The following SND1 variants were observed in gnomAD, a reference collection of about 807,000 sequenced individuals.
The protein encoded by SND1 is staphylococcal nuclease and tudor domain containing 1, also known as staphylococcal nuclease domain-containing protein 1.
Under a neutral mutation model 121.7 loss-of-function variants are expected in SND1, and 38 were observed. The ratio of observed to expected loss-of-function variants is 0.31; its 90% CI spans 0.24 to 0.41. The LOEUF (loss-of-function observed/expected upper bound fraction) is 0.41. Among genes scored for constraint, SND1 ranks in the 10% least tolerant of loss-of-function variants. SND1 has a pLI of 1.00. For missense variants in SND1, 868 were observed against 1,184.6 expected, an observed-to-expected ratio of 0.73 and a Z score of 3.92; for synonymous variants, 401 against 447.4, an observed-to-expected ratio of 0.90 and a Z score of 1.31.
intron 10 of SND1, among the ~76,000 whole-genome samples, chr7:127,757,576 C>G (rs973920939): frequency 6.6e-6 from 1 of 152,158 alleles, no homozygotes; most frequent in Non-Finnish European, 1.5e-5. Context: ...TTAGTTTTAG[C>G]TATTCAGATC....
chr7:127,777,231 T>C (rs951694400), intron 10 of SND1, among the ~76,000 whole-genome samples: 11 of 152,196 alleles, frequency 7.2e-5, no homozygotes, highest in Admixed American at 6.5e-5. Context: ...AAGCAATCAC[T>C]GAACAGAGGA....
intron 11 of SND1, among the ~76,000 whole-genome samples, chr7:127,838,022 C>T (rs935478417): frequency 6.6e-6 from 1 of 152,080 alleles, no homozygotes; most frequent in East Asian, 1.9e-4. Context: ...AGGGTTGGAC[C>T]GCACAGTCTA....
intron 16 of SND1, among the ~76,000 whole-genome samples, chr7:128,032,885 A>G (rs1342380969): frequency 3.9e-5 from 6 of 152,232 alleles, no homozygotes; most frequent in Non-Finnish European, 8.8e-5. Flanking sequence ...AAACAGTGGC[A>G]GGAATGACCA....
At chr7:127,840,345 TAAGGGAGCTTC>T (rs1034610259) in intron 11 of SND1, among the ~76,000 whole-genome samples, 1 of 152,210 alleles carries the variant, frequency 6.6e-6, no homozygotes, top group African/African-American at 2.4e-5. Context: ...GCCTCATTTG[TAAGGGAGCTTC>T]AAGTAGCACC....
rs577445174 is a variant in SND1, at chr7:128,015,318, T to G, written c.1779+24262T>G. 6.6e-6 allele frequency among the ~76,000 whole-genome samples: 1 copy of G among 152,354 alleles called. No individual in the cohort carries two copies. Among genetic ancestry groups the G allele is most frequent in the South Asian group, 2.1e-4 (1 of 4,828 alleles). On this transcript the variant is annotated intron_variant, in intron 16 of 23. Coordinates refer to ENST00000354725, the MANE Select transcript of SND1 (RefSeq NM_014390.4). The surrounding 1 kb of genome is among the most constrained non-coding windows in gnomAD (Gnocchi z 4.5). Reference sequence around the variant, plus strand: ...TCAGGGTGACATGATAAAAAGAATTTATCTGAAACTCATAGAACAGGGCAA... The same window carrying G: ...TCAGGGTGACATGATAAAAAGAATTGATCTGAAACTCATAGAACAGGGCAA...
chr7:128,069,759 C>T (rs1202176986), intron 16 of SND1, among the ~76,000 whole-genome samples: 1 of 152,020 alleles, frequency 6.6e-6, no homozygotes, highest in Non-Finnish European at 1.5e-5. Context: ...TGTTGCAATC[C>T]CAGTTTTACA....
At chr7:127,687,851 AATTTTT>A (rs1348116574) in intron 2 of SND1, among the ~76,000 whole-genome samples, 1 of 151,864 alleles carries the variant, frequency 6.6e-6, no homozygotes, top group Non-Finnish European at 1.5e-5. Flanking sequence ...ATACCTGGCT[AATTTTT>A]ATTTTTATTT....
intron 10 of SND1, among the ~76,000 whole-genome samples, chr7:127,777,375 A>G (rs1157941289): frequency 1.3e-5 from 2 of 152,206 alleles, no homozygotes; most frequent in Non-Finnish European, 2.9e-5. Flanking sequence ...GAAAACTCAG[A>G]AAGAGTTGAT....
intron 11 of SND1, among the ~76,000 whole-genome samples, chr7:127,837,493 T>A (rs1798888294): frequency 6.6e-6 from 1 of 152,256 alleles, no homozygotes; most frequent in African/African-American, 2.4e-5. Flanking sequence ...CATTTGTCAC[T>A]TATTATATTT....
intron 10 of SND1, among the ~76,000 whole-genome samples, chr7:127,805,007 C>G (rs542521202): frequency 1.3e-5 from 2 of 152,224 alleles, no homozygotes; most frequent in Non-Finnish European, 2.9e-5. Context: ...TTACCGGCAC[C>G]TGGTATCTTC....
Position 127,930,538 on chromosome 7 carries a change from C to A in SND1, c.1669+1209C>A, listed in dbSNP as rs541350553. 1.2e-3 allele frequency among the ~76,000 whole-genome samples: 179 copies of A among 152,278 alleles called. 1 individual carries two copies. Among genetic ancestry groups the A allele is most frequent in the African/African-American group, 4.2e-3 (176 of 41,560 alleles). ...TACTCTTATGAACTTGATCACTGCA[C>A]AGCTCTGCAGGCCTTCTGAAGGGAC... On this transcript the variant is annotated intron_variant, in intron 15 of 23. Transcript: ENST00000354725.
intron 14 of SND1, among the ~76,000 whole-genome samples, chr7:127,916,359 G>T (rs903026173): frequency 6.6e-6 from 1 of 152,148 alleles, no homozygotes; most frequent in South Asian, 2.1e-4. Flanking sequence ...CAAATATCTG[G>T]TTGATGGTGG....
At chr7:127,795,949 C>G (rs1798013874) in intron 10 of SND1, among the ~76,000 whole-genome samples, 2 of 152,016 alleles carry the variant, frequency 1.3e-5, no homozygotes, top group Non-Finnish European at 2.9e-5. Flanking sequence ...GCTCCGCCTC[C>G]CGGGTTCACG....
At chr7:127,868,969 C>G (rs1400429252) in intron 12 of SND1, among the ~76,000 whole-genome samples, 1 of 152,008 alleles carries the variant, frequency 6.6e-6, no homozygotes, top group Non-Finnish European at 1.5e-5. Flanking sequence ...ATAGAGAGAT[C>G]TATTTTGTGC....
chr7:128,051,064 G>A (rs1584762516), intron 16 of SND1, among the ~76,000 whole-genome samples: 1 of 152,192 alleles, frequency 6.6e-6, no homozygotes, highest in East Asian at 1.9e-4. Flanking sequence ...TCCAGAGGGT[G>A]GAGTGCTGAC....
intron 16 of SND1, among the ~76,000 whole-genome samples, chr7:128,024,410 A>G (rs191638654): frequency 6.6e-5 from 10 of 152,296 alleles, no homozygotes; most frequent in Admixed American, 1.3e-4. Flanking sequence ...TTCTAATTTT[A>G]AGCCCCTGCT....
At chr7:127,894,112 T>C (rs1189465545) in intron 13 of SND1, among the ~76,000 whole-genome samples, 1 of 152,118 alleles carries the variant, frequency 6.6e-6, no homozygotes, top group African/African-American at 2.4e-5. Flanking sequence ...CCAATATCCC[T>C]GGCTATTATT....
rs9656366 is a variant in SND1 at position 128,003,005 on chromosome 7, T to A, written c.1779+11949T>A. ...TGGAGGCCGAGGCAGGGGGATCACA[T>A]GAGGCCAGGATTTCAAGACCAGCCT... is the stretch of plus-strand genomic sequence containing the variant. On this transcript the variant is annotated intron_variant, in intron 16 of 23. Coordinates refer to ENST00000354725, the MANE Select transcript of SND1 (RefSeq NM_014390.4). 1.6e-3 allele frequency among the ~76,000 whole-genome samples: 246 copies of A among 152,286 alleles called. 2 individuals are homozygous for A. Among genetic ancestry groups the A allele is most frequent in the African/African-American group, 5.7e-3 (235 of 41,566 alleles).
At chr7:127,769,143 G>A (rs1437863768) in intron 10 of SND1, among the ~76,000 whole-genome samples, 1 of 152,172 alleles carries the variant, frequency 6.6e-6, no homozygotes, top group Admixed American at 6.5e-5. Flanking sequence ...GGGATAGTGA[G>A]GTCTTGATAC....
Sources: allele counts gnomAD v4.1 joint callset (sites outside exome capture counted in the v4.1 genomes callset), GRCh38; gene constraint gnomAD v4.1.1; non-coding constraint Gnocchi (gnomAD v3.1); transcripts MANE v1.5; gene names NCBI Gene and HGNC (gene_info 2026-07-23, HGNC 2026-07-21).